Variants in SMIM7 observed in about 807,000 individuals in gnomAD.
The protein encoded by SMIM7 is small integral membrane protein 7, also known as UPF0608 protein C19orf42.
Under a neutral mutation model 13.3 loss-of-function variants are expected in SMIM7, and 12 were observed. The observed-to-expected ratio is 0.90, with a 90% CI of 0.58 to 1.46. The LOEUF (loss-of-function observed/expected upper bound fraction) is 1.46. SMIM7 is among the 40% of genes most tolerant of loss of function. SMIM7 has a pLI of 0.00. For synonymous variants in SMIM7, 36 were observed against 35.8 expected (o/e 1.01, Z -0.02); for missense variants, 114 against 94.8 (o/e 1.20, Z -0.84).
chr19:16,632,715 A>G (rs1399606668), intron 4 of SMIM7, among the ~76,000 whole-genome samples: 1 of 151,944 alleles, frequency 6.6e-6, no homozygotes, highest in East Asian at 1.9e-4. Context: ...TATTTTTAGT[A>G]GAGATGCGGT....
Position 16,653,478 on chromosome 19 carries a change from G to A in SMIM7, c.212+557C>T, listed in dbSNP as rs1175695357. Among the ~76,000 whole-genome samples, 4 of 152,110 alleles carry A rather than the reference G, an allele frequency of 2.6e-5. No homozygotes were observed. The South Asian group carries it at 6.2e-4, about 24-fold the overall frequency. On this transcript the variant is annotated intron_variant, in intron 4 of 4. Coordinates refer to ENST00000487416, the MANE Select transcript of SMIM7 (RefSeq NM_024104.4). ...GGCACCTGTAATCCCAGCTACTCGG[G>A]AGGCTGAGGCAGGAGAATCGCTTGA...
intron 4 of SMIM7, among the ~76,000 whole-genome samples, chr19:16,632,017 G>A (rs934244496): frequency 2.0e-5 from 3 of 151,778 alleles, no homozygotes; most frequent in South Asian, 2.1e-4. Flanking sequence ...CTACAGGCGG[G>A]TGCCACCACA....
intron 4 of SMIM7, among the ~76,000 whole-genome samples, chr19:16,650,576 G>A (rs1379895220): frequency 6.6e-6 from 1 of 152,126 alleles, no homozygotes; most frequent in African/African-American, 2.4e-5. Flanking sequence ...CAAGTGTGGT[G>A]GTGCGTGCCT....
intron 3 of SMIM7, 50 bp from the exon 4 acceptor site, chr19:16,654,175 A>C: frequency 2.0e-6 from 3 of 1,490,556 alleles, no homozygotes; most frequent in Non-Finnish European, 2.8e-6. Context: ...TCCCATCCCT[A>C]CTGCCACCTC....
At chr19:16,658,454 C>A (rs1016392035) in intron 3 of SMIM7, among the ~76,000 whole-genome samples, 1 of 152,182 alleles carries the variant, frequency 6.6e-6, no homozygotes, top group Non-Finnish European at 1.5e-5. Context: ...CTGGGGCCTC[C>A]AGGGCCCAGG....
intron 4 of SMIM7, 125 bp downstream of exon 4, chr19:16,653,910 T>G: frequency 1.3e-6 from 1 of 784,130 alleles, no homozygotes; most frequent in East Asian, 2.8e-5. Context: ...AAACAAAAAA[T>G]AAAGAAAACA....
intron 4 of SMIM7, among the ~76,000 whole-genome samples, chr19:16,632,261 T>C (rs972835452): frequency 3.9e-5 from 6 of 152,166 alleles, no homozygotes; most frequent in African/African-American, 1.4e-4. Context: ...TTCATAGTTC[T>C]GCTTGGCTTT....
At chr19:16,647,410 T>A in intron 4 of SMIM7, 149 bp from the exon 5 acceptor site, 1 of 865,812 alleles carries the variant, frequency 1.2e-6, no homozygotes, top group South Asian at 1.5e-5. Flanking sequence ...GTGATCCACC[T>A]GTGAATATAA....
downstream of SMIM7, among the ~76,000 whole-genome samples, chr19:16,643,168 TG>T (rs1228460723): frequency 1.3e-5 from 2 of 152,054 alleles, no homozygotes. Context: ...TTTGAGGATA[TG>T]GAAGTATGGT....
intron 4 of SMIM7, 110 bp from the exon 5 acceptor site, chr19:16,647,371 CATG>C: frequency 7.6e-7 from 1 of 1,318,814 alleles, no homozygotes; most frequent in Non-Finnish European, 1.1e-6. Context: ...GATGATTTTA[CATG>C]ATTGTCTGAT....
chr19:16,654,431 C>T (rs2086571086), intron 3 of SMIM7, among the ~76,000 whole-genome samples: 1 of 152,184 alleles, frequency 6.6e-6, no homozygotes, highest in South Asian at 2.1e-4. Context: ...GAAAGAGATA[C>T]CTTCTGCCAG....
chr19:16,653,994 C>G (rs746411327), intron 4 of SMIM7, 41 bp downstream of exon 4: 1 of 1,557,426 alleles, frequency 6.4e-7, no homozygotes, highest in African/African-American at 1.4e-5. Context: ...GAGAAGGAGA[C>G]TAAGAGACGA....
intron 4 of SMIM7, chr19:16,638,755 A>G (rs1568297915): frequency 6.6e-6 from 1 of 152,218 alleles, no homozygotes; most frequent in South Asian, 2.1e-4. Flanking sequence ...CAACAACATT[A>G]ATAAAAACAG....
At chr19:16,659,480 A>G (rs916777274) in intron 2 of SMIM7, 33 bp from the exon 3 acceptor site, 5 of 1,604,952 alleles carry the variant, frequency 3.1e-6, no homozygotes. Context: ...TCCACTTTCA[A>G]TGGGACATAG....
downstream of SMIM7, among the ~76,000 whole-genome samples, chr19:16,644,334 T>A (rs1244476514): frequency 1.3e-5 from 2 of 151,204 alleles, no homozygotes; most frequent in Non-Finnish European, 2.9e-5. Flanking sequence ...GTTGGCCAGG[T>A]TGGTCTCGAA....
chr19:16,646,089 G>T (rs1213869769), downstream of SMIM7: 1 of 146,374 alleles, frequency 6.8e-6, no homozygotes, highest in African/African-American at 2.5e-5. Flanking sequence ...AAATTCAAAA[G>T]GACTCAGGTT....
intron 4 of SMIM7, chr19:16,634,905 C>T (rs1170164217): frequency 6.6e-6 from 1 of 152,142 alleles, no homozygotes; most frequent in Admixed American, 6.6e-5. Flanking sequence ...ACAACCTGCC[C>T]CACCTGGGTT....
intron 4 of SMIM7, among the ~76,000 whole-genome samples, chr19:16,649,560 G>A (rs571522521): frequency 3.3e-5 from 5 of 152,192 alleles, no homozygotes; most frequent in Admixed American, 1.3e-4. Flanking sequence ...GCAACAGAGC[G>A]AGACTCTGTC....
intron 3 of SMIM7, among the ~76,000 whole-genome samples, chr19:16,656,831 G>A (rs889103103): frequency 3.9e-5 from 6 of 151,924 alleles, no homozygotes; most frequent in Non-Finnish European, 8.8e-5. Flanking sequence ...CCCAGGAAGC[G>A]GAGATTGCAG....
Sources: gnomAD v4.1 joint callset for allele counts (sites outside exome capture counted in the v4.1 genomes callset) on GRCh38, gnomAD v4.1.1 for gene constraint, MANE v1.5 for transcripts, NCBI Gene and HGNC (gene_info 2026-07-23, HGNC 2026-07-21) for gene names.